APP: variants seen among roughly 807,000 people sequenced by gnomAD.
The protein encoded by APP is amyloid beta precursor protein.
Under a neutral mutation model 101.4 loss-of-function variants are expected in APP, and 31 were observed. The observed-to-expected ratio is 0.31, with a 90% CI of 0.23 to 0.41. APP has a LOEUF of 0.41. APP is among the 10% of genes least tolerant of loss of function. APP has a pLI of 1.00. For missense variants in APP, 839 were observed against 1,003.7 expected (o/e 0.84, Z 2.22); for synonymous variants, 366 against 364.4 (o/e 1.00, Z -0.05).
chr21:25,930,414 T>C (rs2040091701), intron 13 of APP, among the ~76,000 whole-genome samples: 1 of 152,158 alleles, frequency 6.6e-6, no homozygotes, highest in African/African-American at 2.4e-5. Context: ...ACATGCTGAA[T>C]TGATGGAATT....
chr21:26,120,204 T>C (rs191274235), intron 1 of APP, among the ~76,000 whole-genome samples: 14 of 152,316 alleles, frequency 9.2e-5, no homozygotes, highest in East Asian at 5.8e-4. Context: ...ATGTATTTGA[T>C]AGGAATAACT....
Position 26,135,391 on chromosome 21 carries a change from T to C in APP, c.58-23245A>G, listed in dbSNP as rs111908632. Among the ~76,000 whole-genome samples, 255 of 152,380 alleles carry C rather than the reference T, an allele frequency of 1.7e-3. 2 individuals are homozygous for C. The highest frequency in any genetic ancestry group is 5.7e-3 in the African/African-American group (239 of 41,594). On this transcript the variant is annotated intron_variant, in intron 1 of 17. Transcript: ENST00000346798. The stretch of plus-strand genomic sequence containing the variant: ...GCCAAGTTCATATCAAACTAAGTTA[T>C]TGAATTTTATATCACTTTCTAACAA...
At chr21:26,094,268 A>C (rs1210686814) in intron 2 of APP, among the ~76,000 whole-genome samples, 1 of 152,186 alleles carries the variant, frequency 6.6e-6, no homozygotes, top group African/African-American at 2.4e-5. Context: ...ACATAATGCA[A>C]TTTTGCTGTT....
At chr21:26,099,180 A>AC (rs1340790804) in intron 2 of APP, among the ~76,000 whole-genome samples, 3 of 152,160 alleles carry the variant, frequency 2.0e-5, no homozygotes, top group African/African-American at 7.2e-5. Flanking sequence ...AAAAAAAAAA[A>AC]ACCCAGATCC....
intron 2 of APP, among the ~76,000 whole-genome samples, chr21:26,101,570 G>T (rs963864659): frequency 1.3e-5 from 2 of 152,144 alleles, no homozygotes; most frequent in Non-Finnish European, 2.9e-5. Context: ...TTCCTGGACT[G>T]CTCGGGTGAC....
intron 9 of APP, among the ~76,000 whole-genome samples, chr21:25,977,180 C>T (rs1601091491): frequency 1.3e-5 from 2 of 152,190 alleles, no homozygotes; most frequent in African/African-American, 4.8e-5. Flanking sequence ...GAGAAGTTCA[C>T]TCATTAACCT....
intron 4 of APP, among the ~76,000 whole-genome samples, chr21:26,052,203 C>T (rs1173135470): frequency 6.6e-6 from 1 of 152,066 alleles, no homozygotes; most frequent in African/African-American, 2.4e-5. Flanking sequence ...ATTTCTCAAC[C>T]CCAGCACTAT....
At chr21:26,127,929 C>G (rs2062716884) in intron 1 of APP, among the ~76,000 whole-genome samples, 2 of 152,188 alleles carry the variant, frequency 1.3e-5, no homozygotes, top group Admixed American at 6.5e-5. Context: ...GGAGCCTGAA[C>G]TGATGAATAC....
chr21:25,887,709 C>A (rs2037427291), intron 17 of APP, among the ~76,000 whole-genome samples: 1 of 151,992 alleles, frequency 6.6e-6, no homozygotes. Context: ...ATACGCAAAT[C>A]CCTGCCAGTG....
chr21:26,030,503 C>A (rs1044849208), intron 5 of APP, among the ~76,000 whole-genome samples: 1 of 152,048 alleles, frequency 6.6e-6, no homozygotes, highest in Non-Finnish European at 1.5e-5. Context: ...ATCTTGGCAT[C>A]ATAAAAAGTA....
In APP at chr21:26,150,135, A is replaced by G. The variant is rs144258348; in HGVS notation, c.57+20429T>C. ...GAGCTCCACAGAAAAGCAAAAACCCAAAAGAAGCAGTTAGGCCTGAGAGCA... is the reference window on the plus strand; with the variant it reads ...GAGCTCCACAGAAAAGCAAAAACCCGAAAGAAGCAGTTAGGCCTGAGAGCA... On this transcript the variant is annotated intron_variant, in intron 1 of 17. Coordinates refer to ENST00000346798, the MANE Select transcript of APP (RefSeq NM_000484.4). 7.9e-3 allele frequency among the ~76,000 whole-genome samples: 1,198 copies of G among 152,298 alleles called. 9 individuals are homozygous for G. The highest frequency in any genetic ancestry group is 0.011 in the Non-Finnish European group (757 of 68,026).
intron 16 of APP, among the ~76,000 whole-genome samples, chr21:25,896,452 A>C (rs1018060666): frequency 6.6e-6 from 1 of 152,138 alleles, no homozygotes; most frequent in Non-Finnish European, 1.5e-5. Context: ...AAACAAAAGA[A>C]GTGCCTGAGA....
At chr21:25,918,366 G>T (rs200838356) in intron 13 of APP, among the ~76,000 whole-genome samples, 2 of 152,146 alleles carry the variant, frequency 1.3e-5, no homozygotes, top group Non-Finnish European at 2.9e-5. Context: ...GGATGAGTTC[G>T]GGAGGTGGGA....
chr21:26,029,456 G>A (rs913791800), intron 5 of APP, among the ~76,000 whole-genome samples: 32 of 149,220 alleles, frequency 2.1e-4, no homozygotes, highest in African/African-American at 8.0e-4. Context: ...AAAAGAGTGA[G>A]TGCTAGTGTG....
At chr21:25,894,214 C>T (rs1232324713) in intron 16 of APP, among the ~76,000 whole-genome samples, 1 of 152,210 alleles carries the variant, frequency 6.6e-6, no homozygotes, top group East Asian at 1.9e-4. Flanking sequence ...AGGACAGGTA[C>T]AGGGAGATTA....
chr21:26,062,458 T>C (rs2046307662), intron 3 of APP, among the ~76,000 whole-genome samples: 1 of 151,548 alleles, frequency 6.6e-6, no homozygotes, highest in Admixed American at 6.6e-5. Flanking sequence ...AGGTCAGGAG[T>C]TCGAGACCAG....
intron 5 of APP, among the ~76,000 whole-genome samples, chr21:26,046,481 C>T (rs1028061963): frequency 6.8e-6 from 1 of 147,044 alleles, no homozygotes; most frequent in Non-Finnish European, 1.5e-5. Flanking sequence ...GAAAATAAGA[C>T]ACGGTCAAAA....
chr21:26,009,954 A>T (rs1417868755), intron 6 of APP: 1 of 153,386 alleles, frequency 6.5e-6, no homozygotes, highest in Non-Finnish European at 1.4e-5. Context: ...TTCCGGTTTA[A>T]AAAAAAAAAA....
chr21:26,170,775 C>T, upstream of APP: 1 of 802,376 alleles, frequency 1.2e-6, no homozygotes, highest in Non-Finnish European at 1.8e-6. Context: ...ACTGACGGAG[C>T]CCGAGCGCGG....
Sources: gnomAD v4.1 joint callset for allele counts (sites outside exome capture counted in the v4.1 genomes callset) on GRCh38, gnomAD v4.1.1 for gene constraint, MANE v1.5 for transcripts, NCBI Gene and HGNC (gene_info 2026-07-23, HGNC 2026-07-21) for gene names.